The following DMD variants were observed in gnomAD, a reference collection of about 807,000 sequenced individuals.
DMD encodes the protein mutant dystrophin.
In DMD, 63 loss-of-function variants were observed where a neutral mutation model predicts 330.1. The observed-to-expected ratio is 0.19, with a 90% CI of 0.16 to 0.24. The LOEUF (loss-of-function observed/expected upper bound fraction) is 0.24, where lower values mean the gene tolerates loss of function less well. Ranked by LOEUF, DMD falls within the 10% of genes least tolerant of loss-of-function variation. The pLI is 1.00. For missense variants in DMD, 3,344 were observed against 2,684.1 expected (o/e 1.25, Z -5.43); for synonymous variants, 1,223 against 959.8 (o/e 1.27, Z -5.07).
chrX:33,079,117 G>A (rs1487895347), intron 1 of DMD, among the ~76,000 whole-genome samples: 1 of 111,300 alleles, frequency 9.0e-6, no homozygotes, highest in Non-Finnish European at 1.9e-5. Context: ...CGCAACCTCC[G>A]CCTCCTAGGT....
intron 16 of DMD, among the ~76,000 whole-genome samples, chrX:32,556,120 A>G (rs771361401): frequency 8.9e-6 from 1 of 112,265 alleles, no homozygotes; most frequent in Non-Finnish European, 1.9e-5. Flanking sequence ...TTTACAAGAA[A>G]AAAACAAATA....
At chrX:32,303,982 T>G (rs2097532302) in intron 42 of DMD, among the ~76,000 whole-genome samples, 1 of 111,429 alleles carries the variant, frequency 9.0e-6, no homozygotes, top group African/African-American at 3.3e-5. Context: ...TTGGTGGCTC[T>G]ATGGTAAGGT....
At position 32,382,612 on chromosome X, in the gene DMD, C is replaced by A. The variant is rs1313055589; in HGVS notation, c.4675-1932G>T. On this transcript the variant is annotated intron_variant, in intron 33 of 78. Transcript: ENST00000357033. ...AATTCATTTTTTAAACAGATTTTCC[C>A]TTCTATTTTTTTTTTTCCTAAGTAA... Among the ~76,000 whole-genome samples the A allele has an allele frequency of 9.1e-5, 7 of 77,276 alleles. No individual in the cohort carries two copies. The Admixed American group carries it at 1.3e-3, about 14-fold the overall frequency. 67.1% of individuals were successfully genotyped at this position (77,276 alleles called of 115,157 possible). A position where few individuals can be genotyped will look rare whatever the true frequency, so the allele number is the denominator to read the frequency against.
intron 1 of DMD, among the ~76,000 whole-genome samples, chrX:33,332,904 G>T (rs752450657): frequency 5.4e-5 from 6 of 110,968 alleles, no homozygotes; most frequent in Admixed American, 1.9e-4. Context: ...AAGAGAAATA[G>T]ACCTAAAAAA....
At chrX:32,744,651 C>T (rs189761255) in intron 7 of DMD, among the ~76,000 whole-genome samples, 7 of 111,412 alleles carry the variant, frequency 6.3e-5, no homozygotes, top group Non-Finnish European at 1.3e-4. Flanking sequence ...CATTATCATA[C>T]AGATCATCCT....
chrX:33,129,120 T>C (rs777937811), intron 1 of DMD: 1 of 111,455 alleles, frequency 9.0e-6, no homozygotes, highest in Non-Finnish European at 1.9e-5. Context: ...ACCCAGAGCA[T>C]AAGATTGAAG....
intron 63 of DMD, among the ~76,000 whole-genome samples, chrX:31,228,641 A>C (rs1202826183): frequency 8.9e-6 from 1 of 111,745 alleles, no homozygotes; most frequent in Non-Finnish European, 1.9e-5. Context: ...ATAAAGCTAA[A>C]GCCCCCCATT....
In DMD at chrX:31,826,757, T is replaced by C. The variant is rs958371194; in HGVS notation, c.7201-6674A>G. The stretch of plus-strand genomic sequence containing the variant: ...CCAACTTATTTAAATAGCGTATCAG[T>C]GGGATAATAGTTATCAAGTCCTATT... On this transcript the variant is annotated intron_variant, in intron 49 of 78. Coordinates refer to ENST00000357033, the MANE Select transcript of DMD (RefSeq NM_004006.3). 4.5e-5 allele frequency among the ~76,000 whole-genome samples: 5 copies of C among 112,292 alleles called. No individual in the cohort carries two copies. In the South Asian group the frequency reaches 1.8e-3, roughly 41 times the overall value.
chrX:33,279,449 GTTT>G (rs200332838), intron 1 of DMD, among the ~76,000 whole-genome samples: 5 of 105,878 alleles, frequency 4.7e-5, no homozygotes, highest in South Asian at 8.2e-4. Flanking sequence ...GTACCACAGG[GTTT>G]TTTTTTTTTT....
chrX:31,853,009 G>C (rs1246567325), intron 48 of DMD, among the ~76,000 whole-genome samples: 1 of 112,269 alleles, frequency 8.9e-6, no homozygotes, highest in Non-Finnish European at 1.9e-5. Context: ...TCAGCCTCCA[G>C]AGTAGCTGAG....
chrX:32,504,404 A>C (rs929870606), intron 18 of DMD, among the ~76,000 whole-genome samples: 2 of 111,099 alleles, frequency 1.8e-5, no homozygotes, highest in Non-Finnish European at 3.8e-5. Flanking sequence ...CGGGTGGATC[A>C]CCTGAGGTCG....
intron 17 of DMD, among the ~76,000 whole-genome samples, chrX:32,524,181 G>C (rs999034753): frequency 1.8e-5 from 2 of 111,106 alleles, no homozygotes; most frequent in Non-Finnish European, 1.9e-5. Flanking sequence ...AGATCCGCCC[G>C]CCTCGGCCTC....
chrX:32,072,735 T>C (rs1251461249), intron 44 of DMD, among the ~76,000 whole-genome samples: 4 of 112,011 alleles, frequency 3.6e-5, no homozygotes. Context: ...TAAGAGAAAT[T>C]AGCTCTTTTT....
At chrX:31,255,451 C>T (rs971329557) in intron 63 of DMD, among the ~76,000 whole-genome samples, 1 of 111,123 alleles carries the variant, frequency 9.0e-6, no homozygotes, top group Non-Finnish European at 1.9e-5. Context: ...AGAATGTACC[C>T]TCTCAATAAC....
intron 9 of DMD, among the ~76,000 whole-genome samples, chrX:32,695,670 TA>T (rs1318966720): frequency 8.9e-6 from 1 of 111,862 alleles, no homozygotes; most frequent in Non-Finnish European, 1.9e-5. Flanking sequence ...GAAATGTGGC[TA>T]TAACTCAAGT....
intron 55 of DMD, among the ~76,000 whole-genome samples, chrX:31,528,682 A>G (rs2073436140): frequency 1.8e-5 from 2 of 112,247 alleles, no homozygotes; most frequent in African/African-American, 3.2e-5. Flanking sequence ...TCATTTCCCA[A>G]AAGTACCAGG....
intron 60 of DMD, among the ~76,000 whole-genome samples, chrX:31,389,090 G>A (rs2148777963): frequency 8.9e-6 from 1 of 112,214 alleles, no homozygotes; most frequent in Admixed American, 9.5e-5. Flanking sequence ...AGAAATGTCT[G>A]CAAGGGGTTT....
At chrX:33,138,650 T>C (rs1289912889) in intron 1 of DMD, among the ~76,000 whole-genome samples, 4 of 111,771 alleles carry the variant, frequency 3.6e-5, no homozygotes, top group Non-Finnish European at 7.5e-5. Flanking sequence ...CCTTACTTTT[T>C]ATTTTCTTTT....
At position 31,152,408 on chromosome X, in the gene DMD, C is replaced by T. The variant is rs755291380; in HGVS notation, c.10554-4890G>A. Among the ~76,000 whole-genome samples, 5 of 112,147 alleles carry T rather than the reference C, an allele frequency of 4.5e-5. No individual in the cohort carries two copies. The East Asian group carries it at 1.4e-3, about 31-fold the overall frequency. On this transcript the variant is annotated intron_variant, in intron 74 of 78. Transcript: ENST00000357033. Reference sequence around the variant, plus strand: ...TGAACTCCTGACCTCAGGTGATCCACCCATCTCAGCCTCCCAGAGTGCTGG... The same window carrying T: ...TGAACTCCTGACCTCAGGTGATCCATCCATCTCAGCCTCCCAGAGTGCTGG...
Sources: gnomAD v4.1 joint callset for allele counts (sites outside exome capture counted in the v4.1 genomes callset) on GRCh38, gnomAD v4.1.1 for gene constraint, MANE v1.5 for transcripts, NCBI Gene and HGNC (gene_info 2026-07-23, HGNC 2026-07-21) for gene names.